ERBB4: variants seen among roughly 807,000 people sequenced by gnomAD.
ERBB4 encodes the protein erb-b2 receptor tyrosine kinase 4.
In ERBB4, 42 loss-of-function variants were observed where a neutral mutation model predicts 158.0. The ratio of observed to expected loss-of-function variants is 0.27; its 90% CI spans 0.21 to 0.34. ERBB4 has a LOEUF of 0.34. Ranked by LOEUF, ERBB4 falls within the 10% of genes least tolerant of loss-of-function variation. The probability of loss-of-function intolerance (pLI) is 1.00; values close to 1 mark genes in which losing one functional copy is unlikely to be tolerated. For synonymous variants in ERBB4, 583 were observed against 558.7 expected (o/e 1.04, Z -0.61); for missense variants, 1,333 against 1,624.1 (o/e 0.82, Z 3.08).
intron 20 of ERBB4, among the ~76,000 whole-genome samples, chr2:211,473,552 A>T (rs1349890402): frequency 6.6e-6 from 1 of 152,038 alleles, no homozygotes; most frequent in Non-Finnish European, 1.5e-5. Flanking sequence ...GGATGGAGAA[A>T]TTTGCCTTCA....
intron 1 of ERBB4, among the ~76,000 whole-genome samples, chr2:212,325,873 A>G (rs1171026002): frequency 6.6e-6 from 1 of 150,578 alleles, no homozygotes; most frequent in Non-Finnish European, 1.5e-5. Flanking sequence ...TTTTTTCCAT[A>G]TTATTTTCCA....
chr2:211,800,937 T>C (rs1024905730), intron 3 of ERBB4, among the ~76,000 whole-genome samples: 1 of 152,220 alleles, frequency 6.6e-6, no homozygotes, highest in African/African-American at 2.4e-5. Context: ...TCTGCTTTAA[T>C]GAATAGGGTA....
chr2:212,309,385 A>C (rs1478494911), intron 1 of ERBB4, among the ~76,000 whole-genome samples: 1 of 150,912 alleles, frequency 6.6e-6, no homozygotes, highest in East Asian at 1.9e-4. Context: ...TTATAAAATA[A>C]ATGCTTGGTT....
Position 211,766,592 on chromosome 2 carries a change from A to G in ERBB4, c.557-15888T>C, listed in dbSNP as rs549054098. On this transcript the variant is annotated intron_variant, in intron 4 of 27. Transcript: ENST00000342788. Reference sequence around the variant, plus strand: ...AAGGGAAAATAGTTCCTTAAGTTCTATTTAATTGTGAAACTGAATTCTATG... The same window carrying G: ...AAGGGAAAATAGTTCCTTAAGTTCTGTTTAATTGTGAAACTGAATTCTATG... 3.9e-5 allele frequency among the ~76,000 whole-genome samples: 6 copies of G among 152,338 alleles called. No individual in the cohort carries two copies. The South Asian group carries it at 1.0e-3, about 26-fold the overall frequency.
At chr2:212,127,483 T>G (rs1372099850) in intron 1 of ERBB4, among the ~76,000 whole-genome samples, 2 of 151,978 alleles carry the variant, frequency 1.3e-5, no homozygotes, top group African/African-American at 4.8e-5. Context: ...TCCCAGCTAC[T>G]CGGGAGGCTG....
intron 14 of ERBB4, among the ~76,000 whole-genome samples, chr2:211,668,291 C>T (rs975563478): frequency 5.3e-5 from 8 of 152,196 alleles, no homozygotes; most frequent in African/African-American, 1.7e-4. Context: ...ACCTAATGTC[C>T]CAGGCTGACA....
At chr2:211,870,153 G>A (rs534379639) in intron 3 of ERBB4, among the ~76,000 whole-genome samples, 2 of 151,968 alleles carry the variant, frequency 1.3e-5, no homozygotes, top group Non-Finnish European at 2.9e-5. Flanking sequence ...TTTGAAAATT[G>A]TTCCATTTAG....
intron 20 of ERBB4, among the ~76,000 whole-genome samples, chr2:211,482,628 G>C (rs562309009): frequency 1.6e-4 from 25 of 152,048 alleles, no homozygotes; most frequent in Non-Finnish European, 3.2e-4. Flanking sequence ...TAATCAGGCC[G>C]GGTGCAGTGG....
chr2:212,279,393 A>G (rs531793673), intron 1 of ERBB4, among the ~76,000 whole-genome samples: 2 of 151,750 alleles, frequency 1.3e-5, no homozygotes, highest in South Asian at 4.1e-4. Flanking sequence ...TCTATTTGTA[A>G]TGAATACACT....
chr2:211,551,143 C>T (rs2125701745), intron 20 of ERBB4, among the ~76,000 whole-genome samples: 1 of 152,236 alleles, frequency 6.6e-6, no homozygotes, highest in South Asian at 2.1e-4. Context: ...GAGTTTAGTT[C>T]TTCTTCCTTA....
chr2:212,051,130 T>C (rs974442840), intron 2 of ERBB4, among the ~76,000 whole-genome samples: 4 of 152,188 alleles, frequency 2.6e-5, no homozygotes, highest in Non-Finnish European at 5.9e-5. Flanking sequence ...CTACACCTCC[T>C]ATTCAGAAAT....
intron 1 of ERBB4, among the ~76,000 whole-genome samples, chr2:212,319,516 T>C (rs911260066): frequency 1.3e-5 from 2 of 150,648 alleles, no homozygotes; most frequent in African/African-American, 4.8e-5. Flanking sequence ...AAATGACATT[T>C]CTGTAGCAAG....
chr2:212,058,637 T>A (rs2077658776), intron 2 of ERBB4, among the ~76,000 whole-genome samples: 2 of 152,130 alleles, frequency 1.3e-5, no homozygotes, highest in Non-Finnish European at 2.9e-5. Context: ...TGGTTCAACA[T>A]ACGCAAATCA....
intron 16 of ERBB4, among the ~76,000 whole-genome samples, chr2:211,643,380 T>C (rs2070672059): frequency 1.3e-5 from 2 of 152,064 alleles, no homozygotes. Flanking sequence ...TTGTTACTGA[T>C]CCATGAAACC....
At chr2:211,514,542 C>T (rs190865852) in intron 20 of ERBB4, among the ~76,000 whole-genome samples, 20 of 152,204 alleles carry the variant, frequency 1.3e-4, no homozygotes, top group Admixed American at 1.2e-3. Context: ...TTGGAGGCTC[C>T]GTAAGGACTA....
chr2:211,710,803 T>C (rs943354039), intron 9 of ERBB4, among the ~76,000 whole-genome samples: 4 of 152,056 alleles, frequency 2.6e-5, no homozygotes, highest in Non-Finnish European at 5.9e-5. Context: ...ATGTAAGACA[T>C]GCTTTTCTCC....
chr2:211,381,039 A>G lies in ERBB4; in HGVS notation c.*2576T>C, dbSNP rs771584807. On this transcript the variant is annotated 3_prime_UTR_variant, in exon 28 of 28. Transcript: ENST00000342788. ...AAGGGAGGCTTATATTCAATTTTTC[A>G]TAAGTACTGATATGAGATCCCTTTT... 2 of 232,372 alleles carry G rather than the reference A, an allele frequency of 8.6e-6. No homozygotes were observed. Among genetic ancestry groups the G allele is most frequent in the Non-Finnish European group, 1.7e-5 (2 of 117,492 alleles). 14.4% of individuals were successfully genotyped at this position (232,372 alleles called of 1,614,324 possible).
chr2:211,966,643 G>A (rs577817411), intron 2 of ERBB4, among the ~76,000 whole-genome samples: 1 of 151,990 alleles, frequency 6.6e-6, no homozygotes. Flanking sequence ...CTTTATACTG[G>A]TGTTTATATA....
intron 25 of ERBB4, among the ~76,000 whole-genome samples, chr2:211,399,047 T>G (rs545703200): frequency 6.6e-6 from 1 of 152,334 alleles, no homozygotes; most frequent in African/African-American, 2.4e-5. Flanking sequence ...CTGTCCAAGT[T>G]CTAATTACTT....
Sources: allele counts gnomAD v4.1 joint callset (sites outside exome capture counted in the v4.1 genomes callset), GRCh38; gene constraint gnomAD v4.1.1; transcripts MANE v1.5; gene names NCBI Gene and HGNC (gene_info 2026-07-23, HGNC 2026-07-21).